The following MACROD2 variants were observed in gnomAD, a reference collection of about 807,000 sequenced individuals.
The protein encoded by MACROD2 is ADP-ribose glycohydrolase MACROD2.
Under a neutral mutation model 70.4 loss-of-function variants are expected in MACROD2, and 36 were observed. The observed-to-expected ratio is 0.51, with a 90% CI of 0.39 to 0.68. The LOEUF is 0.68. Ranked by LOEUF, MACROD2 falls within the 30% of genes least tolerant of loss-of-function variation. The pLI, the probability that MACROD2 is intolerant of heterozygous loss-of-function variation, is 0.00. For missense variants in MACROD2, 496 were observed against 538.4 expected, an observed-to-expected ratio of 0.92 and a Z score of 0.78; for synonymous variants, 172 against 178.8, an observed-to-expected ratio of 0.96 and a Z score of 0.30.
In MACROD2 at chr20:14,300,898, C is replaced by T. The variant is rs188896855; in HGVS notation, c.272-192581C>T. Among the ~76,000 whole-genome samples the T allele has an allele frequency of 7.5e-3, 1,142 of 152,264 alleles. 6 individuals are homozygous for T. Among genetic ancestry groups the T allele is most frequent in the Non-Finnish European group, 9.7e-3 (661 of 68,022 alleles). Reference sequence around the variant, plus strand: ...TAGACCTTTGTTTAAAAAATGTATCCATTGTTAATATTTCTACTTTTACCT... The same window carrying T: ...TAGACCTTTGTTTAAAAAATGTATCTATTGTTAATATTTCTACTTTTACCT... On this transcript the variant is annotated intron_variant, in intron 3 of 17. Transcript: ENST00000684519.
chr20:14,532,881 C>T (rs1440958603), intron 4 of MACROD2, among the ~76,000 whole-genome samples: 10 of 152,110 alleles, frequency 6.6e-5, no homozygotes, highest in African/African-American at 7.2e-5. Flanking sequence ...TATGGACATG[C>T]GTGCTGAGCT....
At chr20:15,204,282 T>C (rs1275697664) in intron 5 of MACROD2, among the ~76,000 whole-genome samples, 1 of 152,140 alleles carries the variant, frequency 6.6e-6, no homozygotes, top group East Asian at 1.9e-4. Flanking sequence ...ATGAATTCTT[T>C]AATCGAGTGC....
intron 5 of MACROD2, among the ~76,000 whole-genome samples, chr20:14,691,975 T>C (rs918983205): frequency 2.0e-5 from 3 of 152,212 alleles, no homozygotes; most frequent in African/African-American, 7.2e-5. Context: ...AATCTATTTC[T>C]CCATAATTGT....
chr20:14,126,959 CT>C (rs2148696305), intron 3 of MACROD2, among the ~76,000 whole-genome samples: 1 of 152,298 alleles, frequency 6.6e-6, no homozygotes, highest in South Asian at 2.1e-4. Context: ...GCAGTGGCCT[CT>C]AAGTGTTCAA....
chr20:15,595,543 G>C (rs1457173311), intron 8 of MACROD2, among the ~76,000 whole-genome samples: 1 of 152,118 alleles, frequency 6.6e-6, no homozygotes, highest in Non-Finnish European at 1.5e-5. Context: ...CTGAGGAATA[G>C]TTAAATTAAG....
chr20:15,886,552 A>C (rs1010592747), intron 10 of MACROD2, among the ~76,000 whole-genome samples: 3 of 152,138 alleles, frequency 2.0e-5, no homozygotes, highest in Non-Finnish European at 4.4e-5. Context: ...ATCTTTGGAA[A>C]ATACACTTTC....
rs537905653 is a variant in MACROD2 at position 14,438,815 on chromosome 20, G to A, written c.272-54664G>A. Among the ~76,000 whole-genome samples the A allele has an allele frequency of 1.7e-4, 26 of 152,244 alleles. No homozygotes were observed. In the South Asian group the frequency reaches 3.5e-3, roughly 21 times the overall value. ...CTTTATAAGTCATGGATATTAACCC[G>A]TTATCTGTTGCAGGGTTTACAGTTT... On this transcript the variant is annotated intron_variant, in intron 3 of 17. Transcript: ENST00000684519.
At chr20:15,999,305 C>A (rs976037081) in intron 15 of MACROD2, among the ~76,000 whole-genome samples, 1 of 151,828 alleles carries the variant, frequency 6.6e-6, no homozygotes, top group Non-Finnish European at 1.5e-5. Context: ...AAAATTCTTC[C>A]TGTTATTGTT....
intron 5 of MACROD2, among the ~76,000 whole-genome samples, chr20:14,965,856 A>G (rs1214412933): frequency 2.6e-5 from 4 of 152,142 alleles, no homozygotes; most frequent in South Asian, 4.2e-4. Flanking sequence ...TTTTGCTTCA[A>G]CAACATACAG....
At chr20:14,910,763 C>T (rs546884560) in intron 5 of MACROD2, among the ~76,000 whole-genome samples, 1 of 152,268 alleles carries the variant, frequency 6.6e-6, no homozygotes, top group South Asian at 2.1e-4. Flanking sequence ...TTCCTTTCTG[C>T]TTTCCTGCTT....
At chr20:14,768,748 C>A (rs1470872902) in intron 5 of MACROD2, among the ~76,000 whole-genome samples, 2 of 152,046 alleles carry the variant, frequency 1.3e-5, no homozygotes, top group African/African-American at 4.8e-5. Context: ...TCCCATGTAG[C>A]TGGGATTACA....
intron 12 of MACROD2, among the ~76,000 whole-genome samples, chr20:15,955,103 T>C (rs957638574): frequency 4.6e-5 from 7 of 151,992 alleles, no homozygotes; most frequent in Admixed American, 1.3e-4. Context: ...GTAGAGAATA[T>C]GAGATTTGGG....
intron 3 of MACROD2, among the ~76,000 whole-genome samples, chr20:14,315,653 G>A (rs1201857974): frequency 6.6e-6 from 1 of 152,160 alleles, no homozygotes; most frequent in African/African-American, 2.4e-5. Context: ...TAGCTTAATA[G>A]CTAGAAGCAT....
rs983570097 is a variant in MACROD2 at position 15,035,641 on chromosome 20, C to T, written c.419-194299C>T. ...GGTCACTGAGGCTCCTACTTGATAC[C>T]TAGAAAATGGGCAAAGATTTATTAC... On this transcript the variant is annotated intron_variant, in intron 5 of 17. Transcript: ENST00000684519. Among the ~76,000 whole-genome samples the T allele has an allele frequency of 3.3e-5, 5 of 152,238 alleles. No homozygotes were observed. The East Asian group carries it at 7.7e-4, about 24-fold the overall frequency.
intron 7 of MACROD2, among the ~76,000 whole-genome samples, chr20:15,481,967 T>C (rs1568838997): frequency 6.6e-6 from 1 of 152,108 alleles, no homozygotes; most frequent in African/African-American, 2.4e-5. Context: ...AGAACAGCAT[T>C]GGGGGGTTTG....
intron 6 of MACROD2, among the ~76,000 whole-genome samples, chr20:15,333,504 G>A (rs1463015054): frequency 1.3e-5 from 2 of 151,524 alleles, no homozygotes; most frequent in African/African-American, 4.9e-5. Flanking sequence ...CAAGAGCTTG[G>A]AGAAGATCAG....
At chr20:15,706,623 A>G (rs1258781878) in intron 8 of MACROD2, among the ~76,000 whole-genome samples, 1 of 152,208 alleles carries the variant, frequency 6.6e-6, no homozygotes, top group Admixed American at 6.5e-5. Context: ...GTTAATTCCA[A>G]TGCTTTGTAT....
chr20:15,078,131 A>T (rs551452441), intron 5 of MACROD2, among the ~76,000 whole-genome samples: 1 of 152,046 alleles, frequency 6.6e-6, no homozygotes, highest in Non-Finnish European at 1.5e-5. Context: ...GGTCCTGGGG[A>T]GTCATAAGAA....
chr20:15,941,465 A>G (rs144472238), intron 12 of MACROD2, among the ~76,000 whole-genome samples: 65 of 151,112 alleles, frequency 4.3e-4, no homozygotes, highest in Middle Eastern at 3.4e-3. Context: ...TTATGGAACT[A>G]TCATCTTGAC....
Sources: allele counts gnomAD v4.1 joint callset (sites outside exome capture counted in the v4.1 genomes callset), GRCh38; gene constraint gnomAD v4.1.1; transcripts MANE v1.5; gene names NCBI Gene and HGNC (gene_info 2026-07-23, HGNC 2026-07-21).